Variants in TEAD3 observed in about 807,000 individuals in gnomAD.
TEAD3 encodes the protein TEA domain transcription factor 3.
Under a neutral mutation model 55.6 loss-of-function variants are expected in TEAD3, and 15 were observed. That is an observed-to-expected ratio of 0.27 (90% CI 0.18 to 0.42). The LOEUF (loss-of-function observed/expected upper bound fraction) is 0.42. Ranked by LOEUF, TEAD3 falls within the 10% of genes least tolerant of loss-of-function variation. The pLI is 1.00. For missense variants in TEAD3, 407 were observed against 576.8 expected (o/e 0.71, Z 3.01); for synonymous variants, 210 against 232.2 (o/e 0.90, Z 0.87).
chr6:35,478,229 GC>G (rs1285386416), intron 7 of TEAD3, 45 bp downstream of exon 7: 1 of 1,608,996 alleles, frequency 6.2e-7, no homozygotes, highest in Non-Finnish European at 8.5e-7. Context: ...GCCCTGTGCG[GC>G]TGCCAGGAGG....
At chr6:35,474,642 T>TG (rs1006764053), downstream of TEAD3, 3 of 196,724 alleles carry the variant, frequency 1.5e-5, no homozygotes, top group Non-Finnish European at 3.2e-5. Context: ...CCAGGGCCTC[T>TG]GCTCACTGAC....
intron 4 of TEAD3, chr6:35,480,019 G>C: frequency 6.9e-7 from 1 of 1,452,598 alleles, no homozygotes; most frequent in Non-Finnish European, 9.2e-7. Context: ...GCACCCAGGA[G>C]GGTGCTGGGC....
At chr6:35,480,504 C>CT (rs1267393474) in intron 3 of TEAD3, 130 bp from the exon 4 acceptor site, 4 of 913,310 alleles carry the variant, frequency 4.4e-6, no homozygotes, top group Non-Finnish European at 6.8e-6. Context: ...ATGGGGGGAC[C>CT]TTTTTTCTTT....
At chr6:35,477,986 G>A (rs1158102091) in intron 7 of TEAD3, among the ~76,000 whole-genome samples, 2 of 151,434 alleles carry the variant, frequency 1.3e-5, no homozygotes, top group African/African-American at 4.9e-5. Flanking sequence ...ACGTAGCTAG[G>A]ACTACAGGCA....
intron 6 of TEAD3, 21 bp downstream of exon 6, chr6:35,478,413 C>A: frequency 6.2e-7 from 1 of 1,613,584 alleles, no homozygotes; most frequent in Non-Finnish European, 8.5e-7. Flanking sequence ...CACACCAGCC[C>A]ACCTCCTGGG....
chr6:35,495,692 T>C (rs1768628678), intron 1 of TEAD3, among the ~76,000 whole-genome samples: 1 of 152,004 alleles, frequency 6.6e-6, no homozygotes, highest in Admixed American at 6.5e-5. Context: ...CTCCAACTTT[T>C]GAGGAAAGCC....
In TEAD3 at chr6:35,486,450, C is replaced by T. The variant is rs749598159; in HGVS notation, c.202+11G>A. 1.2e-6 allele frequency: 2 copies of T among 1,607,886 alleles called. No individual in the cohort carries two copies. Among genetic ancestry groups the T allele is most frequent in the Non-Finnish European group, 1.7e-6 (2 of 1,175,910 alleles). ...AGGGCCGCAGTCCCGCCCGCGCCCC[C>T]CGGCACGCACCGTACATCTTGCCCT... On this transcript the variant is annotated intron_variant, in intron 2 of 12. Transcript: ENST00000639578. The surrounding 1 kb of genome is among the most constrained non-coding windows in gnomAD (Gnocchi z 7.3).
At position 35,475,142 on chromosome 6, in the gene TEAD3, C is replaced by A; in HGVS notation, c.1210G>T (p.Asp404Tyr). The A allele has an allele frequency of 6.3e-7, 1 of 1,582,504 alleles. No individual in the cohort carries two copies. The highest frequency in any genetic ancestry group is 8.6e-7 in the Non-Finnish European group (1 of 1,163,960). ...ATGACAAGCAGGGTCTCCTGGGAGT[C>A]CCGGCTCGTGACCACCTGGGGGGTG... The change falls in exon 13 of 13, where the codon GAC becomes TAC. Residue 404 changes from aspartate to tyrosine, a missense_variant. Coordinates refer to ENST00000639578, the Ensembl canonical transcript of TEAD3. The surrounding 1 kb of genome is among the most constrained non-coding windows in gnomAD (Gnocchi z 5.4).
Position 35,492,556 on chromosome 6 carries a change from C to A in TEAD3, c.-50+4342G>T, listed in dbSNP as rs1188380879. 2.0e-5 allele frequency among the ~76,000 whole-genome samples: 3 copies of A among 152,114 alleles called. No homozygotes were observed. The South Asian group carries it at 6.2e-4, about 31-fold the overall frequency. On this transcript the variant is annotated intron_variant, in intron 1 of 12. Coordinates refer to ENST00000639578, the Ensembl canonical transcript of TEAD3. ...GGGTCTCAATTTTTACAGGAGGAAG[C>A]AATTTGCAGAGCCCACTAGGAGGGA...
At position 35,491,107 on chromosome 6, in the gene TEAD3, AC is replaced by A. The variant is rs1427148459; in HGVS notation, c.-49-4397del. On this transcript the variant is annotated intron_variant, in intron 1 of 12. Coordinates refer to ENST00000639578, the Ensembl canonical transcript of TEAD3. The surrounding 1 kb of genome is among the most constrained non-coding windows in gnomAD (Gnocchi z 4.4). ...AACCCAGAGAGAAAACAGACCAGAG[AC>A]AGGAGAGTCCCAGTGAGTGACAGAC... Among the ~76,000 whole-genome samples the A allele has an allele frequency of 6.6e-6, 1 of 151,920 alleles. No homozygotes were observed. Among genetic ancestry groups the A allele is most frequent in the Non-Finnish European group, 1.5e-5 (1 of 67,984 alleles).
In TEAD3 at chr6:35,485,684, G is replaced by A. The variant is rs1056737795; in HGVS notation, c.202+777C>T. Among the ~76,000 whole-genome samples, 4 of 152,210 alleles carry A rather than the reference G, an allele frequency of 2.6e-5. No homozygotes were observed. The highest frequency in any genetic ancestry group is 9.6e-5 in the African/African-American group (4 of 41,458). On this transcript the variant is annotated intron_variant, in intron 2 of 12. Coordinates refer to ENST00000639578, the Ensembl canonical transcript of TEAD3. This position sits in a 1 kb window ranked among gnomAD's most constrained non-coding sequence, Gnocchi z 4.3. ...CACCCACCCTGTGGAAGGCACCCTG[G>A]ACCATCTGCCTGCCCCCAAGGTGGG... is the stretch of plus-strand genomic sequence containing the variant.
chr6:35,484,432 G>A lies in TEAD3; in HGVS notation c.267+128C>T, dbSNP rs551743459. On this transcript the variant is annotated intron_variant, in intron 3 of 12. Transcript: ENST00000639578. The surrounding 1 kb of genome is among the most constrained non-coding windows in gnomAD (Gnocchi z 5.8). ...CGAGGGGGTAAGGGGAGTGTGATGA[G>A]GCAAGGAGGGTGGCAGTCCAGGTCA... is the stretch of plus-strand genomic sequence containing the variant. 2.0e-5 allele frequency: 17 copies of A among 846,588 alleles called. No individual in the cohort carries two copies. The African/African-American group carries it at 2.9e-4, about 14-fold the overall frequency. 52.4% of individuals were successfully genotyped at this position (846,588 alleles called of 1,614,324 possible). A position where few individuals can be genotyped will look rare whatever the true frequency, so the allele number is the denominator to read the frequency against.
chr6:35,493,328 G>A (rs200501530), intron 1 of TEAD3, among the ~76,000 whole-genome samples: 2 of 5,206 alleles, frequency 3.8e-4, no homozygotes. Context: ...GATGCCACAC[G>A]TCAGGGACCA....
In TEAD3 at chr6:35,486,776, A is replaced by C; in HGVS notation, c.-49-65T>G. On this transcript the variant is annotated intron_variant, in intron 1 of 12. Transcript: ENST00000639578. The surrounding 1 kb of genome is among the most constrained non-coding windows in gnomAD (Gnocchi z 7.3). Reference sequence around the variant, plus strand: ...CTCGACCACAGCAATCTCCTATCCCACAGCCGCTGGCTCTGGAGCTCCGCC... The same window carrying C: ...CTCGACCACAGCAATCTCCTATCCCCCAGCCGCTGGCTCTGGAGCTCCGCC... The C allele has an allele frequency of 8.5e-7, 1 of 1,176,722 alleles. No individual in the cohort carries two copies. The highest frequency in any genetic ancestry group is 1.2e-6 in the Non-Finnish European group (1 of 841,598). The allele number at this position is 1,176,722 out of a possible 1,614,324, so 72.9% of individuals were successfully genotyped here. A position where few individuals can be genotyped will look rare whatever the true frequency, so the allele number is the denominator to read the frequency against.
At chr6:35,474,881 G>C (rs556504794), downstream of TEAD3, 3 of 612,198 alleles carry the variant, frequency 4.9e-6, no homozygotes, top group Non-Finnish European at 8.7e-6. Context: ...GCAGAACAGT[G>C]GCAGGGAGTG....
exon 6 of TEAD3, chr6:35,478,558 T>C: frequency 5.0e-6 from 8 of 1,593,654 alleles, no homozygotes; most frequent in Non-Finnish European, 6.8e-6. Context: ...GGCTTTGTCC[T>C]TGGAGACCTG....
intron 1 of TEAD3, among the ~76,000 whole-genome samples, chr6:35,495,096 A>G (rs1768612225): frequency 6.6e-6 from 1 of 152,218 alleles, no homozygotes; most frequent in Non-Finnish European, 1.5e-5. Context: ...AAGCAGGGAA[A>G]CTGAGGCCCA....
intron 1 of TEAD3, among the ~76,000 whole-genome samples, chr6:35,489,681 G>GC (rs1482482322): frequency 2.0e-5 from 3 of 152,094 alleles, no homozygotes; most frequent in African/African-American, 7.2e-5. Context: ...AGAGCCCCAG[G>GC]CCCTACTCCT....
intron 1 of TEAD3, among the ~76,000 whole-genome samples, chr6:35,493,661 C>A (rs912459391): frequency 6.6e-6 from 1 of 152,236 alleles, no homozygotes; most frequent in African/African-American, 2.4e-5. Flanking sequence ...CACACACAGA[C>A]AAACCTGAGG....
Sources: allele counts gnomAD v4.1 joint callset (sites outside exome capture counted in the v4.1 genomes callset), GRCh38; gene constraint gnomAD v4.1.1; non-coding constraint Gnocchi (gnomAD v3.1); transcripts MANE v1.5; gene names NCBI Gene and HGNC (gene_info 2026-07-23, HGNC 2026-07-21).